CHLSN: variants seen among roughly 807,000 people sequenced by gnomAD.
CHLSN encodes cholesin.
the CHLSN span, among the ~76,000 whole-genome samples, chr7:1,079,857 G>A: frequency 2.0e-5 from 3 of 152,272 alleles, no homozygotes; most frequent in South Asian, 2.1e-4. Flanking sequence ...CTCTCTGAAG[G>A]GTTGTTTAAG....
chr7:1,071,798 G>A, the CHLSN span, among the ~76,000 whole-genome samples: 1 of 152,206 alleles, frequency 6.6e-6, no homozygotes, highest in South Asian at 2.1e-4. Flanking sequence ...GCCTGCGGGC[G>A]ACACCACATA....
the CHLSN span, among the ~76,000 whole-genome samples, chr7:1,130,714 G>A: frequency 5.9e-5 from 9 of 152,216 alleles, no homozygotes; most frequent in East Asian, 5.8e-4. Flanking sequence ...GGCCCCGGGC[G>A]GGTGGGGGCG....
chr7:988,657 G>A, the CHLSN span: 1 of 1,601,636 alleles, frequency 6.2e-7, no homozygotes, highest in Non-Finnish European at 8.5e-7. Flanking sequence ...GTGTTGGGGA[G>A]CGCCTGGCCA....
chr7:984,529 G>A, the CHLSN span: 59 of 1,553,944 alleles, frequency 3.8e-5, no homozygotes, highest in South Asian at 5.2e-4. Flanking sequence ...GGAGCTGGCC[G>A]ACCGGCCTCC....
the CHLSN span, among the ~76,000 whole-genome samples, chr7:1,083,448 C>A: frequency 6.6e-6 from 1 of 151,856 alleles, no homozygotes; most frequent in Non-Finnish European, 1.5e-5. Context: ...CACAGTAAAA[C>A]CCCATCTCTA....
chr7:1,016,608 G>C, the CHLSN span, among the ~76,000 whole-genome samples: 118 of 102,572 alleles, frequency 1.2e-3, 1 homozygote, highest in African/African-American at 5.5e-3. Context: ...GCAGCGTACA[G>C]CAGCGCACGC....
At chr7:987,950 TG>T in the CHLSN span, among the ~76,000 whole-genome samples, 4 of 146,314 alleles carry the variant, frequency 2.7e-5, no homozygotes, top group African/African-American at 7.8e-5. Flanking sequence ...GTCCCCTGTG[TG>T]TCCTGGGGGT....
chr7:983,471 C>A, the CHLSN span: 3 of 1,286,610 alleles, frequency 2.3e-6, no homozygotes, highest in Non-Finnish European at 3.0e-6. Flanking sequence ...GCCCGGTTTC[C>A]ACTGCCTGTT....
At chr7:1,041,609 G>C in the CHLSN span, among the ~76,000 whole-genome samples, 1 of 152,194 alleles carries the variant, frequency 6.6e-6, no homozygotes, top group Non-Finnish European at 1.5e-5. Context: ...TGTAACGTCA[G>C]GGTGCGCCTT....
the CHLSN span, among the ~76,000 whole-genome samples, chr7:1,119,398 C>T: frequency 1.3e-5 from 2 of 152,120 alleles, no homozygotes; most frequent in African/African-American, 4.8e-5. Flanking sequence ...GCACCGGCAA[C>T]AAAAGAAAAA....
At chr7:1,082,630 T>C in the CHLSN span, among the ~76,000 whole-genome samples, 1 of 152,190 alleles carries the variant, frequency 6.6e-6, no homozygotes, top group Admixed American at 6.5e-5. Flanking sequence ...GCTTCCAGAA[T>C]AGTGGGCTTC....
the CHLSN span, chr7:1,127,313 C>T: frequency 1.9e-6 from 3 of 1,611,810 alleles, no homozygotes; most frequent in South Asian, 3.3e-5. Flanking sequence ...AGTGGCCCCT[C>T]TGCTGACGCC....
the CHLSN span, chr7:1,021,564 G>A: frequency 1.0e-6 from 1 of 985,308 alleles, no homozygotes; most frequent in Non-Finnish European, 1.2e-6. Context: ...GGCTTCAGCA[G>A]CTGTCAGTCA....
chr7:1,013,151 A>G, the CHLSN span, among the ~76,000 whole-genome samples: 1 of 152,234 alleles, frequency 6.6e-6, no homozygotes, highest in Non-Finnish European at 1.5e-5. Flanking sequence ...CCCGGAGAGC[A>G]CAGGTGAGCA....
the CHLSN span, among the ~76,000 whole-genome samples, chr7:1,031,389 T>C: frequency 5.1e-5 from 6 of 116,900 alleles, no homozygotes; most frequent in African/African-American, 1.9e-4. Flanking sequence ...GGCAGAGTGG[T>C]CCGGGGGGGC....
chr7:1,084,591 T>TG, the CHLSN span, among the ~76,000 whole-genome samples: 1 of 152,112 alleles, frequency 6.6e-6, no homozygotes, highest in African/African-American at 2.4e-5. Flanking sequence ...CCCTTGCCCC[T>TG]GGTGGACCGC....
At chr7:1,093,721 T>G in the CHLSN span, 2 of 465,190 alleles carry the variant, frequency 4.3e-6, no homozygotes, top group African/African-American at 2.0e-5. Context: ...ACAACTGCGG[T>G]GATGATGTAA....
chr7:1,097,049 C>T, the CHLSN span, among the ~76,000 whole-genome samples: 1 of 152,128 alleles, frequency 6.6e-6, no homozygotes, highest in East Asian at 1.9e-4. This position sits in a 1 kb window ranked among gnomAD's most constrained non-coding sequence, Gnocchi z 4.3. Flanking sequence ...ACAGGGCAGG[C>T]GAGGGGAGCC....
At chr7:1,097,987 G>A in the CHLSN span, among the ~76,000 whole-genome samples, 2 of 152,184 alleles carry the variant, frequency 1.3e-5, no homozygotes, top group African/African-American at 2.4e-5. This position sits in a 1 kb window ranked among gnomAD's most constrained non-coding sequence, Gnocchi z 4.3. Context: ...GACACAACAG[G>A]GATCCTAGAT....
Sources: gnomAD v4.1 joint callset for allele counts (sites outside exome capture counted in the v4.1 genomes callset) on GRCh38, gnomAD v4.1.1 for gene constraint, Gnocchi (gnomAD v3.1) non-coding constraint, MANE v1.5 for transcripts, NCBI Gene and HGNC (gene_info 2026-07-23, HGNC 2026-07-21) for gene names.